Variants in CACNA1A observed in about 807,000 individuals in gnomAD.
CACNA1A encodes calcium voltage-gated channel subunit alpha1 A.
In CACNA1A, 57 loss-of-function variants were observed where a neutral mutation model predicts 262.4. The observed-to-expected ratio is 0.22, with a 90% CI of 0.18 to 0.27. CACNA1A has a LOEUF of 0.27. Among genes scored for constraint, CACNA1A ranks in the 10% least tolerant of loss-of-function variants. The pLI is 1.00. For synonymous variants in CACNA1A, 1,431 were observed against 1,419.3 expected (o/e 1.01, Z -0.18); for missense variants, 2,526 against 3,562.8 (o/e 0.71, Z 7.41).
At chr19:13,313,540 C>G (rs1291216207) in intron 11 of CACNA1A, among the ~76,000 whole-genome samples, 2 of 149,162 alleles carry the variant, frequency 1.3e-5, no homozygotes, top group African/African-American at 2.5e-5. Flanking sequence ...TATGCCCTAC[C>G]CTCCAACCAA....
intron 36 of CACNA1A, 156 bp from the exon 37 acceptor site, chr19:13,227,683 A>C: frequency 2.7e-6 from 1 of 368,712 alleles, no homozygotes; most frequent in East Asian, 4.0e-5. Context: ...GATGCAGAGA[A>C]TGATAAAATA....
Position 13,214,660 on chromosome 19 carries a change from A to C in CACNA1A, c.5732-52T>G. The C allele has an allele frequency of 7.1e-7, 1 of 1,403,866 alleles. No individual in the cohort carries two copies. Among genetic ancestry groups the C allele is most frequent in the Non-Finnish European group, 1.0e-6 (1 of 999,836 alleles). The allele number at this position is 1,403,866 out of a possible 1,614,324, so 87.0% of individuals were successfully genotyped here. On this transcript the variant is annotated intron_variant, in intron 38 of 46. Transcript: ENST00000360228. This position sits in a 1 kb window ranked among gnomAD's most constrained non-coding sequence, Gnocchi z 4.1. Reference sequence around the variant, plus strand: ...GACTGCCTGCCTGGGTGTCAGCTGGACTCTGGGTCAGCTGCAAAGCCATAG... The same window carrying C: ...GACTGCCTGCCTGGGTGTCAGCTGGCCTCTGGGTCAGCTGCAAAGCCATAG...
At chr19:13,384,213 T>G (rs2059570099) in intron 3 of CACNA1A, among the ~76,000 whole-genome samples, 1 of 152,112 alleles carries the variant, frequency 6.6e-6, no homozygotes, top group South Asian at 2.1e-4. Flanking sequence ...TTTCATGGCC[T>G]AGTGAGTACT....
intron 1 of CACNA1A, among the ~76,000 whole-genome samples, chr19:13,468,014 C>T (rs997628699): frequency 3.3e-5 from 5 of 151,706 alleles, no homozygotes; most frequent in Non-Finnish European, 7.4e-5. Context: ...AAATTAAATC[C>T]ATAATTTAAA....
chr19:13,206,588 T>G lies in CACNA1A; in HGVS notation c.*725A>C, dbSNP rs1345566918. 1 of 154,112 alleles carries G rather than the reference T, an allele frequency of 6.5e-6. No individual in the cohort carries two copies. The highest frequency in any genetic ancestry group is 1.5e-5 in the Non-Finnish European group (1 of 68,188). The allele number at this position is 154,112 out of a possible 1,614,324, so 9.5% of individuals were successfully genotyped here. ...GGTGATGGTGGGTTTTTCTTCTTCT[T>G]TTGTTGTTTCAAGCAGGACCAAATG... On this transcript the variant is annotated 3_prime_UTR_variant, in exon 47 of 47. Transcript: ENST00000360228.
chr19:13,375,944 G>A lies in CACNA1A; in HGVS notation c.540-4165C>T, dbSNP rs193257536. Among the ~76,000 whole-genome samples, 367 of 152,298 alleles carry A rather than the reference G, an allele frequency of 2.4e-3. 2 individuals are homozygous for A. The highest frequency in any genetic ancestry group is 8.0e-3 in the African/African-American group (331 of 41,558). ...CAGGCTTCTTGCTGACATGGAGAAA[G>A]TTTTAGTGGTCTGGATAGAAGATCA... On this transcript the variant is annotated intron_variant, in intron 3 of 46. Coordinates refer to ENST00000360228, the MANE Select transcript of CACNA1A (RefSeq NM_001127222.2).
intron 4 of CACNA1A, among the ~76,000 whole-genome samples, chr19:13,367,835 G>A (rs552345486): frequency 6.9e-4 from 105 of 152,242 alleles, no homozygotes; most frequent in Non-Finnish European, 1.0e-3. Flanking sequence ...CATCAATCAG[G>A]GACCCCATGC....
chr19:13,304,378 C>T (rs928323491), intron 15 of CACNA1A, among the ~76,000 whole-genome samples: 1 of 151,830 alleles, frequency 6.6e-6, no homozygotes, highest in African/African-American at 2.4e-5. Flanking sequence ...CCTGTAATCC[C>T]AGCACTTTGG....
At chr19:13,451,345 G>T (rs1486236218) in intron 3 of CACNA1A, 4 of 152,370 alleles carry the variant, frequency 2.6e-5, no homozygotes, top group Admixed American at 2.0e-4. Flanking sequence ...ACAAAACATG[G>T]AAAGCTATGA....
At chr19:13,504,335 G>A (rs915570551) in intron 1 of CACNA1A, among the ~76,000 whole-genome samples, 5 of 152,120 alleles carry the variant, frequency 3.3e-5, no homozygotes, top group Non-Finnish European at 1.5e-5. Context: ...GGCACCAACG[G>A]AGATGGCATC....
intron 1 of CACNA1A, among the ~76,000 whole-genome samples, chr19:13,460,957 A>G (rs1193726473): frequency 6.6e-6 from 1 of 151,920 alleles, no homozygotes; most frequent in Admixed American, 6.6e-5. Flanking sequence ...TGCACACTCT[A>G]TGCACGTGGG....
At chr19:13,502,157 TA>T (rs57962801) in intron 1 of CACNA1A, among the ~76,000 whole-genome samples, 6,777 of 137,866 alleles carry the variant, frequency 0.049, 212 homozygotes, top group Non-Finnish European at 0.077. Flanking sequence ...GAGCTTTTCT[TA>T]AAAAAAAAAA....
At chr19:13,235,080 G>A in intron 33 of CACNA1A, 44 bp from the exon 34 acceptor site, 1 of 1,550,306 alleles carries the variant, frequency 6.5e-7, no homozygotes, top group African/African-American at 1.4e-5. Context: ...CATTCCTCCA[G>A]TGGCTTCTGG....
intron 3 of CACNA1A, among the ~76,000 whole-genome samples, chr19:13,378,520 C>A (rs1206702174): frequency 6.6e-6 from 1 of 152,052 alleles, no homozygotes; most frequent in African/African-American, 2.4e-5. Context: ...TCACAGGCAC[C>A]CCAATCTTCA....
chr19:13,495,271 T>C (rs1049700830), intron 1 of CACNA1A, among the ~76,000 whole-genome samples: 5 of 152,198 alleles, frequency 3.3e-5, no homozygotes, highest in Non-Finnish European at 5.9e-5. Context: ...TCTAATTACA[T>C]AGGTAAAACC....
chr19:13,223,978 C>T (rs1477562016), intron 38 of CACNA1A, among the ~76,000 whole-genome samples: 1 of 152,052 alleles, frequency 6.6e-6, no homozygotes, highest in Non-Finnish European at 1.5e-5. Context: ...CCAGCCTGGG[C>T]AACCTGATGA....
chr19:13,229,746 T>G (rs1325867985), intron 36 of CACNA1A: 1 of 200,034 alleles, frequency 5.0e-6, no homozygotes, highest in Non-Finnish European at 1.0e-5. Flanking sequence ...GTTTTCTCCC[T>G]GGAGCCTGGC....
intron 3 of CACNA1A, among the ~76,000 whole-genome samples, chr19:13,447,367 G>A (rs898822663): frequency 6.6e-6 from 1 of 152,130 alleles, no homozygotes; most frequent in African/African-American, 2.4e-5. Flanking sequence ...TAGAAGAAAG[G>A]CCACCTTGTT....
chr19:13,287,583 C>T (rs907821736), intron 19 of CACNA1A, among the ~76,000 whole-genome samples: 5 of 152,028 alleles, frequency 3.3e-5, no homozygotes, highest in African/African-American at 1.2e-4. Flanking sequence ...CTCACTGCAA[C>T]CTCTGGCTCC....
Sources: gnomAD v4.1 joint callset for allele counts (sites outside exome capture counted in the v4.1 genomes callset) on GRCh38, gnomAD v4.1.1 for gene constraint, Gnocchi (gnomAD v3.1) non-coding constraint, MANE v1.5 for transcripts, NCBI Gene and HGNC (gene_info 2026-07-23, HGNC 2026-07-21) for gene names.